The following ZNF469 variants were observed in gnomAD, a reference collection of about 807,000 sequenced individuals.
The protein encoded by ZNF469 is zinc finger protein 469.
Under a neutral mutation model 1.0 loss-of-function variants are expected in ZNF469, and 1 was observed. The observed-to-expected ratio is 1.00, with a 90% CI of 0.35 to 4.73. The LOEUF (loss-of-function observed/expected upper bound fraction) is 4.73. Ranked by LOEUF, ZNF469 falls within the 30% of genes most tolerant of loss-of-function variation. The probability of loss-of-function intolerance (pLI) is 0.16; values close to 1 mark genes in which losing one functional copy is unlikely to be tolerated. For missense variants in ZNF469, 6,100 were observed against 5,356.3 expected (o/e 1.14, Z -4.33); for synonymous variants, 2,703 against 2,363.4 (o/e 1.14, Z -4.17).
chr16:88,244,612 G>A, the ZNF469 span, among the ~76,000 whole-genome samples: 1 of 151,612 alleles, frequency 6.6e-6, no homozygotes, highest in South Asian at 2.1e-4. Flanking sequence ...TGTCTAGGCA[G>A]ATGGATGTAT....
the ZNF469 span, among the ~76,000 whole-genome samples, chr16:88,110,393 T>A: frequency 6.6e-6 from 1 of 152,404 alleles, no homozygotes; most frequent in East Asian, 1.9e-4. Context: ...CTGCCCAGCC[T>A]ACCACGGTCT....
chr16:88,256,902 CTT>C, the ZNF469 span, among the ~76,000 whole-genome samples: 144 of 15,578 alleles, frequency 9.2e-3, 1 homozygote, highest in Non-Finnish European at 0.013. Flanking sequence ...TTCCTTCTTT[CTT>C]TCTTTCTTTC....
the ZNF469 span, among the ~76,000 whole-genome samples, chr16:88,298,448 C>G: frequency 5.7e-4 from 87 of 152,320 alleles, no homozygotes; most frequent in South Asian, 0.017. Flanking sequence ...CAATCTGGGG[C>G]AAGGCTGGGA....
the ZNF469 span, among the ~76,000 whole-genome samples, chr16:88,258,530 G>A: frequency 6.6e-6 from 1 of 151,956 alleles, no homozygotes; most frequent in Non-Finnish European, 1.5e-5. Flanking sequence ...AGTTTATTGA[G>A]GGTTCTGGGC....
chr16:88,216,046 T>C, the ZNF469 span, among the ~76,000 whole-genome samples: 1 of 152,216 alleles, frequency 6.6e-6, no homozygotes, highest in Non-Finnish European at 1.5e-5. Context: ...CCCTAAGAAC[T>C]CTCTTCCATA....
the ZNF469 span, among the ~76,000 whole-genome samples, chr16:88,248,573 A>T: frequency 6.6e-6 from 1 of 152,218 alleles, no homozygotes; most frequent in African/African-American, 2.4e-5. Flanking sequence ...CTTGTGTAGA[A>T]TTTATAAAAC....
intron 1 of ZNF469, among the ~76,000 whole-genome samples, chr16:88,384,893 G>A (rs561325168): frequency 2.0e-5 from 3 of 152,172 alleles, no homozygotes; most frequent in South Asian, 2.1e-4. Flanking sequence ...TCCAGTGACC[G>A]GGAACTCACT....
the ZNF469 span, among the ~76,000 whole-genome samples, chr16:88,347,334 A>G: frequency 6.6e-6 from 1 of 152,188 alleles, no homozygotes; most frequent in South Asian, 2.1e-4. Flanking sequence ...CAGATGCTCA[A>G]GTGAAGACAT....
At chr16:88,283,252 C>T in the ZNF469 span, among the ~76,000 whole-genome samples, 1 of 151,420 alleles carries the variant, frequency 6.6e-6, no homozygotes, top group Non-Finnish European at 1.5e-5. Flanking sequence ...ACGCCTCTGT[C>T]AGAACCCATT....
the ZNF469 span, among the ~76,000 whole-genome samples, chr16:88,193,150 G>GT: frequency 7.7e-4 from 11 of 14,242 alleles, no homozygotes; most frequent in Non-Finnish European, 9.7e-4. Context: ...GATGGTGGTG[G>GT]GGATGGTGGT....
chr16:88,167,973 G>T, the ZNF469 span, among the ~76,000 whole-genome samples: 1 of 152,226 alleles, frequency 6.6e-6, no homozygotes, highest in Non-Finnish European at 1.5e-5. Context: ...TTGGAATCTG[G>T]CACGACCTGT....
Position 88,431,418 on chromosome 16 carries a change from C to T in ZNF469, c.3948C>T (p.Ser1316=), listed in dbSNP as rs1486767330. 3 of 1,550,230 alleles carry T rather than the reference C, an allele frequency of 1.9e-6. No individual in the cohort carries two copies. Among genetic ancestry groups the T allele is most frequent in the Non-Finnish European group, 2.6e-6 (3 of 1,146,998 alleles). ...CACAGGCCCCAGTCTCCCACAACAG[C>T]AAGGACCCCCCTGCCCGCCAGCCTG... ...GGTQAPVSHN[S]KDPPARQPGE... The change falls in exon 3 of 3, where the codon AGC becomes AGT. Residue 1316 remains serine, a synonymous_variant. Coordinates refer to ENST00000565624, the MANE Select transcript of ZNF469 (RefSeq NM_001367624.2).
chr16:88,121,113 T>G, the ZNF469 span, among the ~76,000 whole-genome samples: 9 of 28,840 alleles, frequency 3.1e-4, no homozygotes, highest in South Asian at 1.0e-3. Context: ...CACGGTGGGA[T>G]GGGGGGTCGG....
chr16:88,102,243 T>G, the ZNF469 span, among the ~76,000 whole-genome samples: 2 of 152,282 alleles, frequency 1.3e-5, no homozygotes, highest in Middle Eastern at 6.8e-3. Context: ...CAGGCCAGGC[T>G]TGGTGGCTCA....
the ZNF469 span, among the ~76,000 whole-genome samples, chr16:88,303,675 C>T: frequency 6.6e-6 from 1 of 152,226 alleles, no homozygotes; most frequent in African/African-American, 2.4e-5. Context: ...TCTCTTCCTA[C>T]CTTGTCCTCC....
chr16:88,241,505 C>T, the ZNF469 span, among the ~76,000 whole-genome samples: 1 of 152,136 alleles, frequency 6.6e-6, no homozygotes, highest in Non-Finnish European at 1.5e-5. The surrounding 1 kb of genome is among the most constrained non-coding windows in gnomAD (Gnocchi z 4.8). Flanking sequence ...GCTCAGGTGT[C>T]ACCAGGGCCC....
chr16:88,102,198 G>T, the ZNF469 span, among the ~76,000 whole-genome samples: 1 of 152,154 alleles, frequency 6.6e-6, no homozygotes, highest in South Asian at 2.1e-4. Context: ...AGAGGGCGTC[G>T]GTGGCTTTTT....
the ZNF469 span, among the ~76,000 whole-genome samples, chr16:88,259,995 C>T: frequency 2.0e-5 from 3 of 151,024 alleles, no homozygotes; most frequent in Non-Finnish European, 4.4e-5. This position sits in a 1 kb window ranked among gnomAD's most constrained non-coding sequence, Gnocchi z 4.1. Context: ...TTTTTTGTTT[C>T]GAGACAGAGT....
Position 88,436,062 on chromosome 16 carries a change from T to G in ZNF469, c.8592T>G (p.Pro2864=). 4.5e-6 allele frequency: 7 copies of G among 1,550,164 alleles called. No homozygotes were observed. The highest frequency in any genetic ancestry group is 6.1e-6 in the Non-Finnish European group (7 of 1,146,976). The change falls in exon 3 of 3, where the codon CCT becomes CCG. Residue 2864 remains proline (P), a synonymous_variant. Coordinates refer to ENST00000565624, the MANE Select transcript of ZNF469 (RefSeq NM_001367624.2). The part of the protein sequence containing the change: ...DDEVSFSQLF[P]PGGRLTRKRN... ...AGGTCTCTTTCTCCCAGCTCTTCCC[T>G]CCAGGCGGTCGCTTGACTAGAAAGA... is the stretch of plus-strand genomic sequence containing the variant.
Sources: allele counts gnomAD v4.1 joint callset (sites outside exome capture counted in the v4.1 genomes callset), GRCh38; gene constraint gnomAD v4.1.1; non-coding constraint Gnocchi (gnomAD v3.1); transcripts MANE v1.5; gene names NCBI Gene and HGNC (gene_info 2026-07-23, HGNC 2026-07-21).